EYA2: variants seen among roughly 807,000 people sequenced by gnomAD.
EYA2 encodes EYA transcriptional coactivator and phosphatase 2.
In EYA2, 31 loss-of-function variants were observed where a neutral mutation model predicts 69.2. That is an observed-to-expected ratio of 0.45 (90% CI 0.34 to 0.60). EYA2 has a LOEUF of 0.60. Ranked by LOEUF, EYA2 falls within the 20% of genes least tolerant of loss-of-function variation. The pLI is 0.02. For missense variants in EYA2, 622 were observed against 701.2 expected (o/e 0.89, Z 1.28); for synonymous variants, 257 against 279.4 (o/e 0.92, Z 0.80).
At chr20:47,039,218 C>T (rs6094565) in intron 5 of EYA2, among the ~76,000 whole-genome samples, 2 of 152,164 alleles carry the variant, frequency 1.3e-5, no homozygotes, top group African/African-American at 4.8e-5. Flanking sequence ...CCAAATCTGC[C>T]TGCTGTCTGT....
intron 10 of EYA2, among the ~76,000 whole-genome samples, chr20:47,164,023 A>G (rs749141289): frequency 3.3e-5 from 5 of 152,018 alleles, no homozygotes; most frequent in Admixed American, 1.3e-4. Context: ...ACCCCAAGAT[A>G]CTCATACTTT....
chr20:46,989,375 C>T (rs900053526), intron 1 of EYA2, among the ~76,000 whole-genome samples: 39 of 152,208 alleles, frequency 2.6e-4, no homozygotes, highest in Non-Finnish European at 5.0e-4. Flanking sequence ...AAGCGATTCT[C>T]CTGCCTCAGC....
intron 5 of EYA2, among the ~76,000 whole-genome samples, chr20:47,028,524 T>TCATCC (rs1175767016): frequency 6.6e-6 from 1 of 152,164 alleles, no homozygotes; most frequent in African/African-American, 2.4e-5. Flanking sequence ...CATATAGCCG[T>TCATCC]CATCCCAGTA....
At chr20:46,969,857 A>G (rs565092060) in intron 1 of EYA2, among the ~76,000 whole-genome samples, 1 of 152,180 alleles carries the variant, frequency 6.6e-6, no homozygotes, top group Non-Finnish European at 1.5e-5. Flanking sequence ...TCCCTCCACC[A>G]TTTGTGTACA....
At chr20:47,040,597 G>A (rs1489071138) in intron 5 of EYA2, among the ~76,000 whole-genome samples, 7 of 152,178 alleles carry the variant, frequency 4.6e-5, no homozygotes, top group Non-Finnish European at 1.0e-4. Context: ...TGTTACACAA[G>A]GAAAATAACA....
chr20:47,146,878 G>A (rs1054063676), intron 10 of EYA2, among the ~76,000 whole-genome samples: 3 of 152,186 alleles, frequency 2.0e-5, no homozygotes, highest in Admixed American at 2.0e-4. Context: ...AGCAAGACCC[G>A]TGCCCACAAG....
intron 1 of EYA2, among the ~76,000 whole-genome samples, chr20:46,923,919 CT>C (rs967466844): frequency 1.4e-4 from 22 of 152,126 alleles, no homozygotes; most frequent in African/African-American, 5.1e-4. Flanking sequence ...ACTTTCAGCT[CT>C]TTTAATTAAG....
At chr20:46,895,194 C>A (rs936936912) in intron 1 of EYA2, among the ~76,000 whole-genome samples, 1 of 152,340 alleles carries the variant, frequency 6.6e-6, no homozygotes, top group Non-Finnish European at 1.5e-5. Flanking sequence ...GAGCCCCCCT[C>A]TGGAAAGGCT....
At chr20:47,060,784 C>T (rs1355424416) in intron 5 of EYA2, among the ~76,000 whole-genome samples, 1 of 152,042 alleles carries the variant, frequency 6.6e-6, no homozygotes, top group Non-Finnish European at 1.5e-5. Context: ...TGCTGCCGGC[C>T]TCGGACTCTT....
intron 5 of EYA2, among the ~76,000 whole-genome samples, chr20:47,024,715 A>T (rs953639718): frequency 1.3e-5 from 2 of 152,206 alleles, no homozygotes; most frequent in South Asian, 2.1e-4. Flanking sequence ...TCCTGGGGCA[A>T]TCATACAGCT....
rs1050111658 is a variant in EYA2 at position 47,172,982 on chromosome 20, C to G, written c.1198+115C>G. 1.7e-5 allele frequency: 20 copies of G among 1,146,064 alleles called. No individual in the cohort carries two copies. In the Admixed American group the frequency reaches 3.0e-4, roughly 17 times the overall value. The allele number at this position is 1,146,064 out of a possible 1,614,324, so 71.0% of individuals were successfully genotyped here. On this transcript the variant is annotated intron_variant, in intron 12 of 15. Coordinates refer to ENST00000327619, the MANE Select transcript of EYA2 (RefSeq NM_005244.5). Reference sequence around the variant, plus strand: ...AGAGGTTCACAAGTTCAGTACCAGCCCACTTAATGCAACCCTGACGACACC... The same window carrying G: ...AGAGGTTCACAAGTTCAGTACCAGCGCACTTAATGCAACCCTGACGACACC...
intron 11 of EYA2, among the ~76,000 whole-genome samples, chr20:47,169,513 T>TA (rs548234456): frequency 3.9e-4 from 59 of 152,208 alleles, no homozygotes; most frequent in African/African-American, 1.4e-3. Context: ...AAAATTTGTT[T>TA]AAAAAATCAC....
chr20:47,099,500 G>C (rs925832740), intron 9 of EYA2, among the ~76,000 whole-genome samples: 1 of 152,220 alleles, frequency 6.6e-6, no homozygotes, highest in Non-Finnish European at 1.5e-5. Flanking sequence ...CTGGGCAACA[G>C]AGCAAGACCC....
At chr20:46,915,394 T>C (rs1395760496) in intron 1 of EYA2, among the ~76,000 whole-genome samples, 1 of 152,170 alleles carries the variant, frequency 6.6e-6, no homozygotes, top group Non-Finnish European at 1.5e-5. Flanking sequence ...TTCCACTTAG[T>C]GCTTTTCAGA....
chr20:47,114,270 G>C (rs141112299), intron 9 of EYA2, among the ~76,000 whole-genome samples: 2 of 152,324 alleles, frequency 1.3e-5, no homozygotes, highest in African/African-American at 4.8e-5. Context: ...AGGGTTTTCT[G>C]TCCCCCTTTA....
At chr20:47,058,789 A>G (rs553820666) in intron 5 of EYA2, among the ~76,000 whole-genome samples, 4 of 152,278 alleles carry the variant, frequency 2.6e-5, no homozygotes, top group Non-Finnish European at 5.9e-5. Context: ...GTGGTGAGCT[A>G]TGATCGTGCC....
intron 1 of EYA2, among the ~76,000 whole-genome samples, chr20:46,898,674 G>A (rs1019700114): frequency 3.9e-5 from 6 of 152,108 alleles, no homozygotes; most frequent in Non-Finnish European, 5.9e-5. Context: ...TTTTCTAGTC[G>A]GAGGAGGATA....
At chr20:46,959,588 A>G (rs1297216713) in intron 1 of EYA2, among the ~76,000 whole-genome samples, 1 of 152,194 alleles carries the variant, frequency 6.6e-6, no homozygotes, top group Non-Finnish European at 1.5e-5. Context: ...TTCCTCCTGC[A>G]TCACTCTGCC....
intron 4 of EYA2, among the ~76,000 whole-genome samples, chr20:47,005,965 C>T (rs935487388): frequency 6.6e-6 from 1 of 152,180 alleles, no homozygotes; most frequent in Admixed American, 6.5e-5. Flanking sequence ...GAATTTATTG[C>T]CTATGTAGCT....
Sources: gnomAD v4.1 joint callset for allele counts (sites outside exome capture counted in the v4.1 genomes callset) on GRCh38, gnomAD v4.1.1 for gene constraint, MANE v1.5 for transcripts, NCBI Gene and HGNC (gene_info 2026-07-23, HGNC 2026-07-21) for gene names.